The following FRMD7 variants were observed in gnomAD, a reference collection of about 807,000 sequenced individuals.
FRMD7 encodes FERM domain containing 7, also known as FERM domain-containing protein 7.
FRMD7 carries 14 observed loss-of-function variants against 44.1 expected under a neutral mutation model. That is an observed-to-expected ratio of 0.32 (90% CI 0.21 to 0.50). The LOEUF (loss-of-function observed/expected upper bound fraction) is 0.50. FRMD7 is among the 20% of genes least tolerant of loss of function. FRMD7 has a pLI of 0.99. For synonymous variants in FRMD7, 212 were observed against 187.4 expected (o/e 1.13, Z -1.07); for missense variants, 501 against 522.3 (o/e 0.96, Z 0.40).
Position 132,078,701 on chromosome X carries a change from T to C in FRMD7, c.1316A>G (p.Glu439Gly), listed in dbSNP as rs1164599839. The change falls in exon 12 of 12, where the codon GAG (glutamate) becomes GGG (glycine). Residue 439 changes from glutamate to glycine, a missense_variant. By Grantham distance (98) the Glu-to-Gly change is moderately conservative (BLOSUM62 -2). This residue lies in a region of FRMD7 where 453 missense variants were observed against 452.7 expected (regional missense o/e 1.00). Coordinates refer to ENST00000298542, the MANE Select transcript of FRMD7 (RefSeq NM_194277.3). ...TTGGAAGGAGCTTAGAGAACTCCTC[T>C]CTGAAAAAATGTCTCTGGGATCAGG... ...PNPDPRDIFSERSSLSSFQTS... is the reference protein window; with the variant it reads ...PNPDPRDIFSGRSSLSSFQTS... The C allele has an allele frequency of 8.3e-7, 1 of 1,209,277 alleles. No individual in the cohort carries two copies. The highest frequency in any genetic ancestry group is 1.1e-6 in the Non-Finnish European group (1 of 894,609).
chrX:132,079,392 A>G (rs1400394515), intron 11 of FRMD7, among the ~76,000 whole-genome samples: 4 of 111,970 alleles, frequency 3.6e-5, no homozygotes, highest in Non-Finnish European at 7.5e-5. Flanking sequence ...TATGAATGGT[A>G]TGAGAGGTTC....
At chrX:132,118,548 C>T (rs775325103) in intron 1 of FRMD7, among the ~76,000 whole-genome samples, 179 of 111,861 alleles carry the variant, frequency 1.6e-3, no homozygotes, top group African/African-American at 5.6e-3. Flanking sequence ...CATGGCTCCA[C>T]CCTGTTCTCC....
chrX:132,094,015 CA>C (rs1445637240), intron 5 of FRMD7, 26 bp downstream of exon 5: 9 of 948,256 alleles, frequency 9.5e-6, no homozygotes, highest in Non-Finnish European at 1.4e-5. Flanking sequence ...TGATAGGTCC[CA>C]AAGCAGACAG....
rs1412730879 is a variant in FRMD7, at chrX:132,093,621, C to A, written c.382+421G>T. On this transcript the variant is annotated intron_variant, in intron 5 of 11. Transcript: ENST00000298542. ...TACTCTGTGCTTTGTTCTCTGAAAT[C>A]ATGATAAAGAGCAACAGAGAAATCA... Among the ~76,000 whole-genome samples, 4 of 112,682 alleles carry A rather than the reference C, an allele frequency of 3.5e-5. No homozygotes were observed. In the East Asian group the frequency reaches 8.4e-4, roughly 24 times the overall value.
At position 132,080,229 on chromosome X, in the gene FRMD7, T is replaced by C. The variant is rs1460356703; in HGVS notation, c.943A>G (p.Lys315Glu). ...AATGGCAAGCTCTTCAGCCTCCCTTTTCTCCCATATTCCAAAAGTTGCCTT... is the reference window on the plus strand; with the variant it reads ...AATGGCAAGCTCTTCAGCCTCCCTTCTCTCCCATATTCCAAAAGTTGCCTT... ...TQRQLLEYGR[K>E]GRLKSLPFER... Residue 315 changes from lysine to glutamate, a missense_variant, in exon 10 of 12, where the codon AAA (lysine) becomes GAA (glutamate). Around this residue, in one of 3 missense-constraint regions of FRMD7, gnomAD observed 453 missense variants for 452.7 expected, o/e 1.00. Transcript: ENST00000298542. The C allele has an allele frequency of 8.3e-7, 1 of 1,205,689 alleles. No homozygotes were observed. The highest frequency in any genetic ancestry group is 1.1e-6 in the Non-Finnish European group (1 of 889,875).
At chrX:132,123,109 C>T (rs1036466309) in intron 1 of FRMD7, among the ~76,000 whole-genome samples, 2 of 82,869 alleles carry the variant, frequency 2.4e-5, no homozygotes, top group African/African-American at 9.0e-5. Flanking sequence ...CACAATCTAC[C>T]TCTCGATCTT....
At chrX:132,124,354 G>A (rs983292016) in intron 1 of FRMD7, among the ~76,000 whole-genome samples, 1 of 111,717 alleles carries the variant, frequency 9.0e-6, no homozygotes, top group Non-Finnish European at 1.9e-5. Context: ...TAAGCTGTCC[G>A]TTGTAAGATC....
intron 5 of FRMD7, among the ~76,000 whole-genome samples, chrX:132,092,305 G>C (rs1333914218): frequency 8.9e-6 from 1 of 112,001 alleles, no homozygotes; most frequent in Non-Finnish European, 1.9e-5. Flanking sequence ...GGAGGTTCTT[G>C]AACGCTTAAA....
In FRMD7 at chrX:132,078,349, C is replaced by T. The variant is rs962501934; in HGVS notation, c.1668G>A (p.Arg556=). ...CATTGATGTTGCTCCTACCGCTAGT[C>T]CTGGCTATAGCTTCTTGGAGTACTT... is the stretch of plus-strand genomic sequence containing the variant. ...DLQVLQEAIA[R]TSGRSNINVG... Residue 556 remains arginine (R), a synonymous_variant, in exon 12 of 12, where the codon AGG becomes AGA. Transcript: ENST00000298542. 2 of 1,209,927 alleles carry T rather than the reference C, an allele frequency of 1.7e-6. No homozygotes were observed. Among genetic ancestry groups the T allele is most frequent in the Non-Finnish European group, 2.2e-6 (2 of 894,929 alleles).
chrX:132,118,977 T>C (rs1274543581), intron 1 of FRMD7, among the ~76,000 whole-genome samples: 1 of 111,326 alleles, frequency 9.0e-6, no homozygotes, highest in Non-Finnish European at 1.9e-5. Flanking sequence ...ACATACACAC[T>C]TCAATCTAGG....
At chrX:132,107,604 G>GGAGAGAGAGAGAGAGAGAGA (rs749047439) in intron 1 of FRMD7, among the ~76,000 whole-genome samples, 1,363 of 91,006 alleles carry the variant, frequency 0.015, 36 homozygotes, top group Non-Finnish European at 0.018. Flanking sequence ...TCTACATGGT[G>GGAGAGAGAGAGAGAGAGAGA]GAGAGAGAGA....
intron 1 of FRMD7, among the ~76,000 whole-genome samples, chrX:132,124,504 A>G (rs1304102646): frequency 8.9e-6 from 1 of 112,005 alleles, no homozygotes; most frequent in Non-Finnish European, 1.9e-5. Flanking sequence ...AGCAATTGTG[A>G]AGTCCCATAA....
At chrX:132,114,146 G>A (rs1004363652) in intron 1 of FRMD7, among the ~76,000 whole-genome samples, 3 of 111,226 alleles carry the variant, frequency 2.7e-5, no homozygotes, top group Non-Finnish European at 3.8e-5. Context: ...TAGAAACAGT[G>A]CTCACTATGT....
At chrX:132,084,665 G>T in intron 7 of FRMD7, 80 bp from the exon 8 acceptor site, 1 of 604,995 alleles carries the variant, frequency 1.7e-6, no homozygotes, top group South Asian at 2.3e-5. Context: ...GATAGAAAAT[G>T]CACTTAATGA....
chrX:132,112,019 T>G (rs767429442), intron 1 of FRMD7, among the ~76,000 whole-genome samples: 1 of 112,372 alleles, frequency 8.9e-6, no homozygotes. Context: ...ACTGTTTTAC[T>G]TTTCGGTAAA....
intron 8 of FRMD7, 52 bp from the exon 9 acceptor site, chrX:132,082,578 C>A: frequency 3.8e-6 from 4 of 1,047,757 alleles, no homozygotes; most frequent in Non-Finnish European, 5.4e-6. Flanking sequence ...ATATCAAAGA[C>A]CTTCAAATCC....
intron 1 of FRMD7, among the ~76,000 whole-genome samples, chrX:132,123,775 A>G (rs1170406511): frequency 5.3e-5 from 6 of 112,402 alleles, no homozygotes; most frequent in Non-Finnish European, 1.1e-4. Flanking sequence ...TACCCACTGC[A>G]TGGCCAGTAC....
At chrX:132,125,625 G>A (rs1038337812) in intron 1 of FRMD7, among the ~76,000 whole-genome samples, 1 of 111,799 alleles carries the variant, frequency 8.9e-6, no homozygotes. Flanking sequence ...TCACACCATT[G>A]TCTCCCTGAC....
intron 4 of FRMD7, among the ~76,000 whole-genome samples, chrX:132,095,172 G>A (rs1424215187): frequency 2.8e-5 from 3 of 108,202 alleles, no homozygotes; most frequent in Non-Finnish European, 5.7e-5. Flanking sequence ...TCAGCTCACT[G>A]CAACCTCTGC....
Sources: allele counts gnomAD v4.1 joint callset (sites outside exome capture counted in the v4.1 genomes callset), GRCh38; gene constraint gnomAD v4.1.1; regional missense constraint gnomAD v4.1.1; transcripts MANE v1.5; gene names NCBI Gene and HGNC (gene_info 2026-07-23, HGNC 2026-07-21).